DZANK1: variants seen among roughly 807,000 people sequenced by gnomAD.
The protein encoded by DZANK1 is double zinc ribbon and ankyrin repeat domains 1.
DZANK1 carries 91 observed loss-of-function variants against 94.5 expected under a neutral mutation model. The observed-to-expected ratio is 0.96, with a 90% CI of 0.81 to 1.15. DZANK1 has a LOEUF of 1.15. Ranked by LOEUF, DZANK1 falls within the 50% of genes most tolerant of loss-of-function variation. The probability of loss-of-function intolerance (pLI) is 0.00; values close to 1 mark genes in which losing one functional copy is unlikely to be tolerated. For missense variants in DZANK1, 903 were observed against 916.4 expected (o/e 0.99, Z 0.19); for synonymous variants, 312 against 325.3 (o/e 0.96, Z 0.44).
intron 10 of DZANK1, among the ~76,000 whole-genome samples, chr20:18,419,121 G>C (rs1475322981): frequency 6.6e-6 from 1 of 152,084 alleles, no homozygotes; most frequent in Non-Finnish European, 1.5e-5. Context: ...AATTAGCCAG[G>C]CTTGGTGGTG....
At chr20:18,463,064 T>A (rs551280044) in intron 2 of DZANK1, among the ~76,000 whole-genome samples, 11 of 152,102 alleles carry the variant, frequency 7.2e-5, no homozygotes, top group Non-Finnish European at 1.3e-4. Flanking sequence ...TGTACCCATA[T>A]GTTCCTTACA....
rs180815010 is a variant in DZANK1, at chr20:18,444,927, G to A, written c.630-1463C>T. On this transcript the variant is annotated intron_variant, in intron 7 of 20. Coordinates refer to ENST00000262547, the Ensembl canonical transcript of DZANK1. ...GCCATTCTCCTGCCTCAGCCTCCAGGGTAGCTGGGACTACAGGTGCCTGCC... is the reference window on the plus strand; with the variant it reads ...GCCATTCTCCTGCCTCAGCCTCCAGAGTAGCTGGGACTACAGGTGCCTGCC... Among the ~76,000 whole-genome samples the A allele has an allele frequency of 2.4e-3, 363 of 151,970 alleles. 5 individuals carry two copies. Among genetic ancestry groups the A allele is most frequent in the Admixed American group, 0.02 (305 of 15,244 alleles).
chr20:18,403,549 A>C (rs573505649), intron 13 of DZANK1, among the ~76,000 whole-genome samples: 34 of 152,210 alleles, frequency 2.2e-4, no homozygotes, highest in Non-Finnish European at 4.1e-4. Flanking sequence ...GGGTGTGTTA[A>C]AAAGCAGTTA....
rs1568987199 is a variant in DZANK1 at position 18,441,387 on chromosome 20, T to C, written c.747+1960A>G. 6.6e-6 allele frequency among the ~76,000 whole-genome samples: 1 copy of C among 152,292 alleles called. No individual in the cohort carries two copies. The highest frequency in any genetic ancestry group is 1.9e-4 in the East Asian group (1 of 5,186). ...AATCCCACTACCAATTCTGTATCAG[T>C]CAGAGTCCAATCAGGACATAGAAAC... On this transcript the variant is annotated intron_variant, in intron 8 of 20. Transcript: ENST00000262547. This position sits in a 1 kb window ranked among gnomAD's most constrained non-coding sequence, Gnocchi z 4.1.
chr20:18,435,944 G>A (rs1463717857), intron 8 of DZANK1, among the ~76,000 whole-genome samples: 3 of 151,996 alleles, frequency 2.0e-5, no homozygotes, highest in African/African-American at 7.2e-5. Context: ...AACAACCCTC[G>A]GGGAAAAAAG....
At chr20:18,384,509 C>G in exon 21 of DZANK1, 1 of 1,611,656 alleles carries the variant, frequency 6.2e-7, no homozygotes, top group African/African-American at 1.3e-5. Context: ...GTGTTCAGAG[C>G]CAGGTCGTAT....
intron 13 of DZANK1, among the ~76,000 whole-genome samples, chr20:18,402,904 T>A (rs1053890445): frequency 8.5e-5 from 13 of 152,162 alleles, no homozygotes; most frequent in Admixed American, 4.6e-4. Flanking sequence ...TCTAAAGCCA[T>A]ACAGAAAATA....
chr20:18,407,913 C>T (rs2148391056), intron 13 of DZANK1, among the ~76,000 whole-genome samples: 1 of 152,250 alleles, frequency 6.6e-6, no homozygotes, highest in African/African-American at 2.4e-5. Flanking sequence ...TAAAAAACAA[C>T]AAAGCACACC....
chr20:18,397,194 A>G (rs2148265794), intron 14 of DZANK1, among the ~76,000 whole-genome samples: 1 of 152,370 alleles, frequency 6.6e-6, no homozygotes, highest in South Asian at 2.1e-4. Context: ...CAACCGCCAC[A>G]GTTTGCAGAT....
intron 3 of DZANK1, among the ~76,000 whole-genome samples, chr20:18,458,869 C>T (rs1040307202): frequency 2.0e-5 from 3 of 152,166 alleles, no homozygotes; most frequent in African/African-American, 7.2e-5. Context: ...CTTGGGGAAC[C>T]AGCTAAGGCA....
At chr20:18,450,357 T>C (rs894439909) in intron 6 of DZANK1, among the ~76,000 whole-genome samples, 1 of 151,948 alleles carries the variant, frequency 6.6e-6, no homozygotes, top group Non-Finnish European at 1.5e-5. Context: ...TCAAAAATAG[T>C]CTGGGCAACA....
chr20:18,393,896 A>G, intron 16 of DZANK1, 85 bp from the exon 17 acceptor site: 1 of 941,290 alleles, frequency 1.1e-6, no homozygotes, highest in Non-Finnish European at 1.7e-6. Context: ...CACGTCCCTC[A>G]AAAGTCAGAG....
chr20:18,393,580 T>C (rs774618291), intron 17 of DZANK1, 131 bp downstream of exon 17: 16 of 607,678 alleles, frequency 2.6e-5, no homozygotes, highest in Non-Finnish European at 4.6e-5. Context: ...AGGACAAGGA[T>C]GCCATGAGAA....
chr20:18,446,332 C>A (rs2058880581), intron 7 of DZANK1, among the ~76,000 whole-genome samples: 1 of 151,976 alleles, frequency 6.6e-6, no homozygotes, highest in African/African-American at 2.4e-5. Context: ...GGCAGACAGG[C>A]CCAAAAGATA....
At position 18,399,376 on chromosome 20, in the gene DZANK1, C is replaced by T. The variant is rs144867675; in HGVS notation, c.1433-750G>A. 4.7e-3 allele frequency among the ~76,000 whole-genome samples: 717 copies of T among 152,148 alleles called. 7 individuals carry two copies. Among genetic ancestry groups the T allele is most frequent in the African/African-American group, 0.016 (655 of 41,494 alleles). On this transcript the variant is annotated intron_variant, in intron 13 of 20. Transcript: ENST00000262547. ...ACCCACGTAGCTGGAAATTCAAGCA[C>T]GCACCACAACGCCTGGCTAGTGTTT...
intron 13 of DZANK1, among the ~76,000 whole-genome samples, chr20:18,408,095 C>T (rs2057048812): frequency 6.6e-6 from 1 of 152,160 alleles, no homozygotes; most frequent in Admixed American, 6.5e-5. Context: ...GTGGGTGGAT[C>T]ATTTGAGATC....
intron 8 of DZANK1, among the ~76,000 whole-genome samples, chr20:18,438,266 C>T (rs551376853): frequency 6.1e-5 from 8 of 130,084 alleles, no homozygotes; most frequent in East Asian, 4.3e-4. Flanking sequence ...AAGCAGTAAA[C>T]GAGGGAAAAA....
intron 10 of DZANK1, 87 bp downstream of exon 10, chr20:18,426,980 C>A (rs1354713414): frequency 4.1e-6 from 4 of 974,356 alleles, no homozygotes; most frequent in South Asian, 2.5e-5. Flanking sequence ...CTCTCCCCAA[C>A]CCCCTCGGCA....
intron 10 of DZANK1, among the ~76,000 whole-genome samples, chr20:18,416,964 C>T (rs1411713229): frequency 1.4e-5 from 2 of 146,812 alleles, no homozygotes; most frequent in African/African-American, 5.0e-5. Flanking sequence ...GGCTTTTAAA[C>T]ATAACATTGC....
Sources: gnomAD v4.1 joint callset for allele counts (sites outside exome capture counted in the v4.1 genomes callset) on GRCh38, gnomAD v4.1.1 for gene constraint, Gnocchi (gnomAD v3.1) non-coding constraint, MANE v1.5 for transcripts, NCBI Gene and HGNC (gene_info 2026-07-23, HGNC 2026-07-21) for gene names.